TBC1D22A: variants seen among roughly 807,000 people sequenced by gnomAD.
The protein encoded by TBC1D22A is TBC1 domain family member 22A, also known as putative GTPase activator.
Under a neutral mutation model 60.2 loss-of-function variants are expected in TBC1D22A, and 38 were observed. The observed-to-expected ratio is 0.63, with a 90% CI of 0.49 to 0.83. The LOEUF (loss-of-function observed/expected upper bound fraction) is 0.83, where lower values mean the gene tolerates loss of function less well. Among genes scored for constraint, TBC1D22A ranks in the 40% least tolerant of loss-of-function variants. TBC1D22A has a pLI of 0.00. For synonymous variants in TBC1D22A, 302 were observed against 281.7 expected, an observed-to-expected ratio of 1.07 and a Z score of -0.72; for missense variants, 628 against 701.0, an observed-to-expected ratio of 0.90 and a Z score of 1.18.
chr22:46,874,884 T>C (rs947414954), intron 4 of TBC1D22A, among the ~76,000 whole-genome samples: 1 of 152,138 alleles, frequency 6.6e-6, no homozygotes, highest in Non-Finnish European at 1.5e-5. Context: ...TTTTGAAAAG[T>C]GTCTGTTCAT....
chr22:47,076,129 A>G (rs1192748423), intron 11 of TBC1D22A, among the ~76,000 whole-genome samples: 3 of 152,052 alleles, frequency 2.0e-5, no homozygotes. Flanking sequence ...TCATTAGTTG[A>G]TAAGCCAACA....
rs759415216 is a variant in TBC1D22A at position 47,056,894 on chromosome 22, C to CAGAGG, written c.1329+19700_1329+19704dup. Among the ~76,000 whole-genome samples the CAGAGG allele has an allele frequency of 9.5e-4, 145 of 152,308 alleles. 1 individual carries two copies. Among genetic ancestry groups the CAGAGG allele is most frequent in the Middle Eastern group, 6.8e-3 (2 of 294 alleles). ...GACACAGAATGGAAGGGGCCTGGAG[C>CAGAGG]AGAGGAGATGCAGGGGTGTCTGACA... is the stretch of plus-strand genomic sequence containing the variant. On this transcript the variant is annotated intron_variant, in intron 11 of 12. Transcript: ENST00000337137.
At chr22:47,052,179 G>A (rs754516280) in intron 11 of TBC1D22A, among the ~76,000 whole-genome samples, 6 of 152,202 alleles carry the variant, frequency 3.9e-5, no homozygotes, top group Non-Finnish European at 7.3e-5. Context: ...AGTTAGAGTG[G>A]GATGTTTTTC....
intron 11 of TBC1D22A, among the ~76,000 whole-genome samples, chr22:47,043,807 C>T (rs769515197): frequency 6.6e-6 from 1 of 152,146 alleles, no homozygotes; most frequent in Non-Finnish European, 1.5e-5. Flanking sequence ...GCAGTGTGCT[C>T]TATGTGAGGT....
At chr22:46,939,345 A>G (rs2071850354) in intron 8 of TBC1D22A, among the ~76,000 whole-genome samples, 1 of 152,230 alleles carries the variant, frequency 6.6e-6, no homozygotes, top group Non-Finnish European at 1.5e-5. Context: ...CAACGAGTGA[A>G]TAGTATTCTA....
At chr22:47,123,908 G>A (rs1036255022) in intron 12 of TBC1D22A, among the ~76,000 whole-genome samples, 3 of 152,174 alleles carry the variant, frequency 2.0e-5, no homozygotes, top group Non-Finnish European at 4.4e-5. Flanking sequence ...TGGGGTTTGT[G>A]TGGCCATGTG....
chr22:46,889,108 A>G (rs907132258), intron 5 of TBC1D22A, among the ~76,000 whole-genome samples: 2 of 152,224 alleles, frequency 1.3e-5, no homozygotes, highest in African/African-American at 4.8e-5. Flanking sequence ...ACATAAAAGC[A>G]AGCCATAGAC....
At chr22:46,780,054 A>C (rs539223681) in intron 1 of TBC1D22A, among the ~76,000 whole-genome samples, 5 of 152,300 alleles carry the variant, frequency 3.3e-5, no homozygotes, top group Admixed American at 6.5e-5. Flanking sequence ...TCCTAGAGTT[A>C]ATTTCCTTGG....
At chr22:47,095,212 C>G (rs778447360) in intron 11 of TBC1D22A, among the ~76,000 whole-genome samples, 2 of 152,232 alleles carry the variant, frequency 1.3e-5, no homozygotes, top group African/African-American at 4.8e-5. Context: ...GCTTGTGCAG[C>G]TGAAGTTGGT....
chr22:46,853,779 A>T (rs928731315), intron 4 of TBC1D22A, among the ~76,000 whole-genome samples: 4 of 152,146 alleles, frequency 2.6e-5, no homozygotes, highest in African/African-American at 9.7e-5. Flanking sequence ...CACTCGAGGC[A>T]GGGCCTCGTC....
In TBC1D22A at chr22:47,033,504, G is replaced by A. The variant is rs148166380; in HGVS notation, c.1202-3567G>A. ...TGGATGCTCAGTTGTGTGTACTGGG[G>A]GCCGGGGAAACAAAGGCGACACAGA... On this transcript the variant is annotated intron_variant, in intron 10 of 12. Transcript: ENST00000337137. Among the ~76,000 whole-genome samples, 443 of 152,286 alleles carry A rather than the reference G, an allele frequency of 2.9e-3. 3 individuals carry two copies. The highest frequency in any genetic ancestry group is 0.01 in the African/African-American group (419 of 41,568).
At chr22:46,874,816 T>C (rs1041991375) in intron 4 of TBC1D22A, among the ~76,000 whole-genome samples, 37 of 152,110 alleles carry the variant, frequency 2.4e-4, no homozygotes, top group Admixed American at 4.6e-4. Context: ...TCAAATGATC[T>C]GCCCGCCTTG....
At chr22:46,789,314 A>T (rs749122620) in intron 1 of TBC1D22A, 27 of 400,982 alleles carry the variant, frequency 6.7e-5, no homozygotes, top group Non-Finnish European at 1.3e-4. Flanking sequence ...TTTCATAGAG[A>T]CGGGGTTTCA....
intron 9 of TBC1D22A, among the ~76,000 whole-genome samples, chr22:46,976,207 C>G (rs1192847813): frequency 6.6e-6 from 1 of 152,154 alleles, no homozygotes; most frequent in African/African-American, 2.4e-5. Flanking sequence ...GAAATCGATG[C>G]TGGCTTTTTC....
intron 8 of TBC1D22A, among the ~76,000 whole-genome samples, chr22:46,935,044 T>C (rs2071565143): frequency 6.6e-6 from 1 of 152,194 alleles, no homozygotes; most frequent in African/African-American, 2.4e-5. Flanking sequence ...TGTGCTGGGC[T>C]TCCTCTGAGT....
intron 9 of TBC1D22A, among the ~76,000 whole-genome samples, chr22:46,975,190 C>T (rs112648855): frequency 0.019 from 2,937 of 152,210 alleles, 53 homozygotes; most frequent in South Asian, 0.074. Context: ...CACTCGCTTC[C>T]TGTGAGGTGC....
intron 11 of TBC1D22A, among the ~76,000 whole-genome samples, chr22:47,070,943 G>A (rs1387768261): frequency 2.6e-5 from 4 of 151,894 alleles, no homozygotes; most frequent in African/African-American, 7.3e-5. Context: ...TGACGGTCCC[G>A]GCGCTGTTCG....
intron 8 of TBC1D22A, among the ~76,000 whole-genome samples, chr22:46,925,505 C>T (rs961677611): frequency 6.6e-6 from 1 of 152,200 alleles, no homozygotes; most frequent in Non-Finnish European, 1.5e-5. Context: ...GTGTAATGGA[C>T]TTACTGTTTA....
At chr22:47,116,616 C>T (rs184214525) in intron 12 of TBC1D22A, 1 of 152,214 alleles carries the variant, frequency 6.6e-6, no homozygotes, top group African/African-American at 2.4e-5. Flanking sequence ...TCTGTGGCCG[C>T]CTGGCCCTGG....
Sources: gnomAD v4.1 joint callset for allele counts (sites outside exome capture counted in the v4.1 genomes callset) on GRCh38, gnomAD v4.1.1 for gene constraint, MANE v1.5 for transcripts, NCBI Gene and HGNC (gene_info 2026-07-23, HGNC 2026-07-21) for gene names.